HTR4: variants seen among roughly 807,000 people sequenced by gnomAD.
HTR4 encodes the protein 5-hydroxytryptamine receptor 4.
Under a neutral mutation model 36.8 loss-of-function variants are expected in HTR4, and 16 were observed. The ratio of observed to expected loss-of-function variants is 0.43; its 90% CI spans 0.29 to 0.66. The LOEUF (loss-of-function observed/expected upper bound fraction) is 0.66, where lower values mean the gene tolerates loss of function less well. HTR4 is among the 30% of genes least tolerant of loss of function. HTR4 has a pLI of 0.13. For missense variants in HTR4, 438 were observed against 490.9 expected, an observed-to-expected ratio of 0.89 and a Z score of 1.02; for synonymous variants, 189 against 185.1, an observed-to-expected ratio of 1.02 and a Z score of -0.17.
intron 2 of HTR4, among the ~76,000 whole-genome samples, chr5:148,595,116 G>A (rs543945283): frequency 2.0e-5 from 3 of 151,490 alleles, no homozygotes; most frequent in South Asian, 4.2e-4. Flanking sequence ...ATTATACAAG[G>A]TGTATCAGTG....
intron 4 of HTR4, among the ~76,000 whole-genome samples, chr5:148,535,425 G>A (rs1758767181): frequency 6.6e-6 from 1 of 152,140 alleles, no homozygotes; most frequent in Non-Finnish European, 1.5e-5. Context: ...AATATGAATA[G>A]GAATGAAGAG....
At chr5:148,578,255 T>TTG (rs1445144551) in intron 2 of HTR4, among the ~76,000 whole-genome samples, 45 of 152,012 alleles carry the variant, frequency 3.0e-4, no homozygotes, top group Admixed American at 3.0e-3. Flanking sequence ...ATTTGTTCTG[T>TTG]TGTGCAGTGT....
chr5:148,614,320 G>C (rs980086782), intron 2 of HTR4, among the ~76,000 whole-genome samples: 1 of 150,902 alleles, frequency 6.6e-6, no homozygotes, highest in African/African-American at 2.4e-5. Flanking sequence ...CATGGTACTG[G>C]TACCAAAACA....
In HTR4 at chr5:148,519,653, C is replaced by T. The variant is rs535078716; in HGVS notation, c.507+3540G>A. 2.6e-5 allele frequency among the ~76,000 whole-genome samples: 4 copies of T among 152,274 alleles called. No individual in the cohort carries two copies. In the South Asian group the frequency reaches 8.3e-4, roughly 32 times the overall value. ...GTTGCTTTCACAGTGTTTTTATGGT[C>T]ATTTGTAGACATGCATGTGCACAAA... On this transcript the variant is annotated intron_variant, in intron 5 of 6. Transcript: ENST00000377888.
chr5:148,545,319 G>A (rs959263423), intron 4 of HTR4, among the ~76,000 whole-genome samples: 12 of 152,194 alleles, frequency 7.9e-5, no homozygotes, highest in Non-Finnish European at 1.3e-4. Context: ...CAAAGAGAAC[G>A]TGCTGACCAC....
At chr5:148,468,521 G>A (rs1755488173) in intron 5 of HTR4, among the ~76,000 whole-genome samples, 1 of 152,178 alleles carries the variant, frequency 6.6e-6, no homozygotes, top group Admixed American at 6.5e-5. Context: ...TCTAGGAAGG[G>A]AGGTCTTCTT....
At position 148,509,890 on chromosome 5, in the gene HTR4, G is replaced by A. The variant is rs1757414048; in HGVS notation, c.642C>T (p.Arg214=). The A allele has an allele frequency of 6.2e-7, 1 of 1,614,030 alleles. No homozygotes were observed. The highest frequency in any genetic ancestry group is 2.2e-5 in the East Asian group (1 of 44,836). Residue 214 remains arginine, a synonymous_variant, in exon 6 of 7, where the codon CGC becomes CGT. Coordinates refer to ENST00000377888, the MANE Select transcript of HTR4 (RefSeq NM_000870.7). The part of the protein sequence containing the change: ...PFLLMVLAYY[R]IYVTAKEHAH... ...CATGCTCCTTAGCTGTGACATAGAT[G>A]CGGTAATAGGCCAGCACCATGAGGA...
intron 2 of HTR4, among the ~76,000 whole-genome samples, chr5:148,572,604 G>GT (rs1760719813): frequency 6.6e-6 from 1 of 152,072 alleles, no homozygotes; most frequent in Non-Finnish European, 1.5e-5. Flanking sequence ...CTTGTGCTCT[G>GT]TACTTCCTCA....
At chr5:148,513,952 A>G (rs1050754487) in intron 5 of HTR4, among the ~76,000 whole-genome samples, 1 of 152,164 alleles carries the variant, frequency 6.6e-6, no homozygotes, top group Non-Finnish European at 1.5e-5. Context: ...TTTTATTGTA[A>G]GCTGGCTATG....
At chr5:148,511,204 A>G (rs1581403763) in intron 5 of HTR4, among the ~76,000 whole-genome samples, 1 of 152,338 alleles carries the variant, frequency 6.6e-6, no homozygotes, top group East Asian at 1.9e-4. Flanking sequence ...ATACGTATAA[A>G]GTACATAAAG....
chr5:148,455,387 C>T (rs914664623), intron 5 of HTR4, among the ~76,000 whole-genome samples: 3 of 152,182 alleles, frequency 2.0e-5, no homozygotes, highest in African/African-American at 7.2e-5. Context: ...TCTGTGACCA[C>T]GTAAAAAGAT....
intron 6 of HTR4, among the ~76,000 whole-genome samples, chr5:148,490,141 A>C (rs1756348025): frequency 6.8e-6 from 1 of 148,068 alleles, no homozygotes; most frequent in African/African-American, 2.5e-5. Flanking sequence ...ATACATATAC[A>C]TGTATATATA....
intron 6 of HTR4, among the ~76,000 whole-genome samples, chr5:148,498,916 G>A (rs1756811504): frequency 6.6e-6 from 1 of 152,138 alleles, no homozygotes; most frequent in African/African-American, 2.4e-5. Context: ...AAGAAGGAAT[G>A]TTTTCCATGG....
At chr5:148,484,172 A>C in intron 6 of HTR4, 4 of 1,366,676 alleles carry the variant, frequency 2.9e-6, no homozygotes, top group Non-Finnish European at 4.0e-6. Flanking sequence ...CTACAATGGT[A>C]GATATTTCAG....
At chr5:148,538,255 T>A (rs1015386784) in intron 4 of HTR4, among the ~76,000 whole-genome samples, 1 of 152,150 alleles carries the variant, frequency 6.6e-6, no homozygotes, top group African/African-American at 2.4e-5. Context: ...GAGCCATCTA[T>A]GACAAACTCG....
intron 2 of HTR4, among the ~76,000 whole-genome samples, chr5:148,616,761 A>G (rs1249733216): frequency 2.9e-5 from 4 of 140,058 alleles, no homozygotes; most frequent in Non-Finnish European, 3.3e-5. Flanking sequence ...GTACATACAC[A>G]GACAGATTTT....
chr5:148,573,398 G>A (rs900162510), intron 2 of HTR4, among the ~76,000 whole-genome samples: 1 of 151,992 alleles, frequency 6.6e-6, no homozygotes, highest in Non-Finnish European at 1.5e-5. Flanking sequence ...TTGTCAGGAG[G>A]CTCTGCTCAT....
intron 2 of HTR4, among the ~76,000 whole-genome samples, chr5:148,581,624 C>T (rs1035438596): frequency 1.8e-4 from 28 of 151,984 alleles, no homozygotes; most frequent in African/African-American, 6.3e-4. Flanking sequence ...TATCAGCATC[C>T]TTATTGAAGA....
chr5:148,476,445 G>A (rs1755696218), downstream of HTR4, among the ~76,000 whole-genome samples: 1 of 152,174 alleles, frequency 6.6e-6, no homozygotes, highest in Non-Finnish European at 1.5e-5. Context: ...CTTGAAAGAG[G>A]TGTGATAAAC....
Sources: gnomAD v4.1 joint callset for allele counts (sites outside exome capture counted in the v4.1 genomes callset) on GRCh38, gnomAD v4.1.1 for gene constraint, MANE v1.5 for transcripts, NCBI Gene and HGNC (gene_info 2026-07-23, HGNC 2026-07-21) for gene names.